NLGN1: variants seen among roughly 807,000 people sequenced by gnomAD.
NLGN1 encodes the protein neuroligin 1.
A neutral mutation model predicts 65.5 loss-of-function variants in NLGN1; 12 were observed. The ratio of observed to expected loss-of-function variants is 0.18; its 90% CI spans 0.12 to 0.30. The LOEUF (loss-of-function observed/expected upper bound fraction) is 0.30. Among genes scored for constraint, NLGN1 ranks in the 10% least tolerant of loss-of-function variants. NLGN1 has a pLI of 1.00. For missense variants in NLGN1, 750 were observed against 1,007.1 expected (o/e 0.74, Z 3.46); for synonymous variants, 350 against 359.5 (o/e 0.97, Z 0.30).
chr3:174,087,484 A>G (rs1284208081), intron 4 of NLGN1, among the ~76,000 whole-genome samples: 1 of 152,212 alleles, frequency 6.6e-6, no homozygotes, highest in Non-Finnish European at 1.5e-5. Flanking sequence ...TTAAGCCACA[A>G]TTATACCACG....
chr3:173,763,293 A>G (rs1778270936), intron 3 of NLGN1, among the ~76,000 whole-genome samples: 1 of 152,078 alleles, frequency 6.6e-6, no homozygotes, highest in Non-Finnish European at 1.5e-5. Context: ...AACCCCCACT[A>G]GAATCTATAA....
At chr3:173,659,343 T>A (rs1760571502) in intron 3 of NLGN1, among the ~76,000 whole-genome samples, 1 of 152,010 alleles carries the variant, frequency 6.6e-6, no homozygotes, top group Admixed American at 6.6e-5. Context: ...TTTTTTCAAA[T>A]GAACAAATTG....
chr3:173,961,848 C>T (rs1713650467), intron 4 of NLGN1, among the ~76,000 whole-genome samples: 1 of 151,990 alleles, frequency 6.6e-6, no homozygotes, highest in Admixed American at 6.6e-5. Context: ...ACCACTTCTA[C>T]CTTAAACTTT....
rs1037443615 is a variant in NLGN1 at position 173,736,712 on chromosome 3, G to A, written c.494-70968G>A. Among the ~76,000 whole-genome samples, 11 of 151,868 alleles carry A rather than the reference G, an allele frequency of 7.2e-5. 1 individual carries two copies. The highest frequency in any genetic ancestry group is 2.2e-4 in the African/African-American group (9 of 41,382). The stretch of plus-strand genomic sequence containing the variant: ...TACCTACAAAATATTAAAGGTGCTA[G>A]TAAACCATTAAAGTGTAAAATAACC... On this transcript the variant is annotated intron_variant, in intron 3 of 6. Coordinates refer to ENST00000457714, the Ensembl canonical transcript of NLGN1.
chr3:173,734,381 ATTTTTTTTTTTTTTTTTTTT>A (rs71162356), intron 3 of NLGN1, among the ~76,000 whole-genome samples: 3 of 40,060 alleles, frequency 7.5e-5, no homozygotes, highest in African/African-American at 2.2e-4. Flanking sequence ...GGATAATTCT[ATTTTTTTTTTTTTTTTTTTT>A]TTTTTTTTTT....
At chr3:173,522,007 C>G (rs76403344) in intron 2 of NLGN1, among the ~76,000 whole-genome samples, 385 of 152,272 alleles carry the variant, frequency 2.5e-3, no homozygotes, top group Non-Finnish European at 4.2e-3. Context: ...ACTAGTTACA[C>G]TAGAAGCCCA....
chr3:174,271,921 T>C (rs1305396787), intron 4 of NLGN1, among the ~76,000 whole-genome samples: 2 of 151,744 alleles, frequency 1.3e-5, no homozygotes, highest in Non-Finnish European at 3.0e-5. Flanking sequence ...TTTACATTCC[T>C]GAGTCAAGTA....
At position 174,163,142 on chromosome 3, in the gene NLGN1, G is replaced by C. The variant is rs1416183346; in HGVS notation, c.647-112173G>C. 3.9e-5 allele frequency among the ~76,000 whole-genome samples: 6 copies of C among 152,080 alleles called. No homozygotes were observed. In the South Asian group the frequency reaches 8.3e-4, roughly 21 times the overall value. ...TTATTATTAACTACAGGATACCACT[G>C]TCTACTAGACTAGATTTCTTTTTTC... On this transcript the variant is annotated intron_variant, in intron 4 of 6. Transcript: ENST00000457714.
chr3:173,663,559 G>A (rs532180893), intron 3 of NLGN1, among the ~76,000 whole-genome samples: 45 of 152,030 alleles, frequency 3.0e-4, no homozygotes, highest in African/African-American at 1.1e-3. Flanking sequence ...ATAATAAATA[G>A]CATTGGAAAG....
chr3:173,595,000 C>T (rs1749207683), intron 2 of NLGN1, among the ~76,000 whole-genome samples: 1 of 152,158 alleles, frequency 6.6e-6, no homozygotes, highest in Non-Finnish European at 1.5e-5. Flanking sequence ...TATTTTCCTC[C>T]TAGGCCTCCA....
intron 4 of NLGN1, among the ~76,000 whole-genome samples, chr3:174,131,645 G>A (rs1720216594): frequency 6.6e-6 from 1 of 152,162 alleles, no homozygotes; most frequent in Non-Finnish European, 1.5e-5. Flanking sequence ...ATATATGTCT[G>A]TTTAAGTAAA....
Position 174,143,318 on chromosome 3 carries a change from C to T in NLGN1, c.647-131997C>T, listed in dbSNP as rs541946555. ...GAAGACAAGTGAAGCCACTGTTAGC[C>T]ACAGGGAAAGTTTTATTTAAGAACT... On this transcript the variant is annotated intron_variant, in intron 4 of 6. Coordinates refer to ENST00000457714, the Ensembl canonical transcript of NLGN1. Among the ~76,000 whole-genome samples, 3 of 152,218 alleles carry T rather than the reference C, an allele frequency of 2.0e-5. No homozygotes were observed. In the South Asian group the frequency reaches 6.2e-4, roughly 32 times the overall value.
At chr3:173,730,407 G>A (rs1327522623) in intron 3 of NLGN1, among the ~76,000 whole-genome samples, 1 of 145,334 alleles carries the variant, frequency 6.9e-6, no homozygotes, top group Non-Finnish European at 1.5e-5. Flanking sequence ...CACACTAAAA[G>A]AAAAGAAATA....
chr3:174,065,786 G>A (rs1050798601), intron 4 of NLGN1, among the ~76,000 whole-genome samples: 5 of 151,786 alleles, frequency 3.3e-5, no homozygotes, highest in African/African-American at 1.2e-4. Flanking sequence ...CTCACCTGCT[G>A]TGAGGAAGAC....
chr3:174,138,659 C>T (rs1013476282), intron 4 of NLGN1, among the ~76,000 whole-genome samples: 2 of 152,006 alleles, frequency 1.3e-5, no homozygotes, highest in African/African-American at 4.8e-5. Flanking sequence ...TGGTCTTGAT[C>T]TCCTGACCTC....
intron 4 of NLGN1, among the ~76,000 whole-genome samples, chr3:173,934,175 G>T (rs1347742967): frequency 1.3e-5 from 2 of 150,008 alleles, no homozygotes; most frequent in Admixed American, 1.3e-4. Flanking sequence ...AAAAGTTGGG[G>T]TGTTTTGCAT....
At chr3:173,501,313 T>C (rs1188476742) in intron 2 of NLGN1, among the ~76,000 whole-genome samples, 2 of 152,050 alleles carry the variant, frequency 1.3e-5, no homozygotes, top group Non-Finnish European at 2.9e-5. Context: ...TGTCAATGTG[T>C]TCTCATTGTT....
At chr3:174,222,165 T>C (rs887381989) in intron 4 of NLGN1, among the ~76,000 whole-genome samples, 1 of 152,082 alleles carries the variant, frequency 6.6e-6, no homozygotes, top group Non-Finnish European at 1.5e-5. Context: ...AAATCATGAG[T>C]GTTTCTATTA....
At chr3:173,998,907 T>G (rs1722766281) in intron 4 of NLGN1, among the ~76,000 whole-genome samples, 1 of 152,200 alleles carries the variant, frequency 6.6e-6, no homozygotes, top group Non-Finnish European at 1.5e-5. Context: ...GAAAGTGTTA[T>G]TACCCATTAT....
Sources: allele counts gnomAD v4.1 joint callset (sites outside exome capture counted in the v4.1 genomes callset), GRCh38; gene constraint gnomAD v4.1.1; transcripts MANE v1.5; gene names NCBI Gene and HGNC (gene_info 2026-07-23, HGNC 2026-07-21).